Variants in RFC3 observed in about 807,000 individuals in gnomAD.
RFC3 encodes A1 38 kDa subunit.
Under a neutral mutation model 45.1 loss-of-function variants are expected in RFC3, and 41 were observed. The observed-to-expected ratio is 0.91, with a 90% confidence interval of 0.71 to 1.18. RFC3 has a LOEUF of 1.18. Ranked by LOEUF, RFC3 falls within the 50% of genes most tolerant of loss-of-function variation. The probability of loss-of-function intolerance (pLI) is 0.00; values close to 1 mark genes in which losing one functional copy is unlikely to be tolerated. For synonymous variants in RFC3, 149 were observed against 144.0 expected (o/e 1.03, Z -0.25); for missense variants, 423 against 428.1 (o/e 0.99, Z 0.10).
At chr13:33,918,865 G>A (rs1474089650) in intron 8 of RFC3, among the ~76,000 whole-genome samples, 4 of 152,096 alleles carry the variant, frequency 2.6e-5, no homozygotes, top group African/African-American at 4.8e-5. Context: ...AAGAGAAAAC[G>A]GCGATCAGAA....
At chr13:33,893,371 T>C (rs2082575650) in intron 8 of RFC3, among the ~76,000 whole-genome samples, 1 of 151,886 alleles carries the variant, frequency 6.6e-6, no homozygotes, top group African/African-American at 2.4e-5. Flanking sequence ...CTGAAGAATC[T>C]CTCAGAAAAT....
chr13:33,859,897 A>G (rs1281273333), intron 8 of RFC3, among the ~76,000 whole-genome samples: 1 of 152,178 alleles, frequency 6.6e-6, no homozygotes, highest in South Asian at 2.1e-4. Context: ...AACCACCAAT[A>G]TGAATATGAC....
downstream of RFC3, among the ~76,000 whole-genome samples, chr13:33,841,070 A>G (rs557158494): frequency 6.6e-6 from 1 of 152,314 alleles, no homozygotes; most frequent in Non-Finnish European, 1.5e-5. Context: ...ACCACCTGTC[A>G]GATCAGCAAC....
chr13:33,958,211 G>A (rs1474287727), intron 8 of RFC3, among the ~76,000 whole-genome samples: 1 of 152,178 alleles, frequency 6.6e-6, no homozygotes, highest in African/African-American at 2.4e-5. Context: ...AGTTTCTGCT[G>A]GAAGAGGGTG....
chr13:33,916,076 G>A (rs2082731567), intron 8 of RFC3, among the ~76,000 whole-genome samples: 1 of 152,156 alleles, frequency 6.6e-6, no homozygotes, highest in Admixed American at 6.5e-5. Context: ...TGGGATTATA[G>A]GGGTGAGCCA....
At chr13:33,847,907 C>T (rs2082249901) in intron 8 of RFC3, 1 of 152,112 alleles carries the variant, frequency 6.6e-6, no homozygotes, top group Non-Finnish European at 1.5e-5. Flanking sequence ...ATTTTTTCGC[C>T]TACATCTTTG....
At chr13:33,900,777 A>C (rs9570557) in intron 8 of RFC3, among the ~76,000 whole-genome samples, 46,582 of 151,148 alleles carry the variant, frequency 0.31, 11,563 homozygotes, top group African/African-American at 0.67. Flanking sequence ...TGAAAACTAT[A>C]CATCTGACAA....
At chr13:33,846,633 TG>T (rs1212909400) in intron 8 of RFC3, 10 of 152,430 alleles carry the variant, frequency 6.6e-5, no homozygotes, top group African/African-American at 2.4e-4. Flanking sequence ...CTGGGTCTTG[TG>T]TATCCCAAGT....
At chr13:33,944,973 A>G (rs1054315271) in intron 8 of RFC3, among the ~76,000 whole-genome samples, 7 of 152,192 alleles carry the variant, frequency 4.6e-5, no homozygotes, top group African/African-American at 1.7e-4. Flanking sequence ...GCTCCCAGGC[A>G]TAACACATTT....
intron 8 of RFC3, among the ~76,000 whole-genome samples, chr13:33,930,812 A>G (rs1484110545): frequency 2.0e-5 from 3 of 152,150 alleles, no homozygotes; most frequent in Non-Finnish European, 4.4e-5. Flanking sequence ...AGCTTGGGGC[A>G]AAATTTAGGG....
chr13:33,834,329 T>C (rs9563827), intron 7 of RFC3, among the ~76,000 whole-genome samples: 1,573 of 125,074 alleles, frequency 0.013, 86 homozygotes, highest in African/African-American at 0.044. Context: ...TATATATATA[T>C]ATCTGTACTG....
At chr13:33,908,397 A>G (rs2082684147) in intron 8 of RFC3, among the ~76,000 whole-genome samples, 1 of 152,004 alleles carries the variant, frequency 6.6e-6, no homozygotes, top group Non-Finnish European at 1.5e-5. Flanking sequence ...AGCTGTGGTT[A>G]TCTGTGATTT....
rs181358645 is a variant in RFC3, at chr13:33,873,349, C to T, written c.879+38132C>T. ...CCCATTTTACAGATTTAGAAAAGTTCGAGGAAGATTAAGTGACCTGATAAA... is the reference window on the plus strand; with the variant it reads ...CCCATTTTACAGATTTAGAAAAGTTTGAGGAAGATTAAGTGACCTGATAAA... On this transcript the variant is annotated intron_variant, in intron 8 of 8. Transcript: ENST00000434425. Among the ~76,000 whole-genome samples the T allele has an allele frequency of 2.1e-4, 32 of 152,218 alleles. No individual in the cohort carries two copies. The East Asian group carries it at 6.0e-3, about 28-fold the overall frequency.
At chr13:33,952,163 C>A (rs1394771283) in intron 8 of RFC3, among the ~76,000 whole-genome samples, 2 of 152,204 alleles carry the variant, frequency 1.3e-5, no homozygotes, top group East Asian at 3.8e-4. Flanking sequence ...GAATATTTTT[C>A]TCAGCAAGCA....
At chr13:33,951,541 T>C (rs2082991495) in intron 8 of RFC3, among the ~76,000 whole-genome samples, 1 of 146,122 alleles carries the variant, frequency 6.8e-6, no homozygotes, top group Non-Finnish European at 1.5e-5. Context: ...TGTAAATAAC[T>C]TTTTTTTTTT....
At chr13:33,824,062 C>T in intron 3 of RFC3, 78 bp downstream of exon 3, 1 of 682,882 alleles carries the variant, frequency 1.5e-6, no homozygotes, top group Non-Finnish European at 2.4e-6. Flanking sequence ...AGATTGAAAC[C>T]CTTTTTTGAA....
At chr13:33,847,274 GTCTTTCCTACCT>G (rs2082244711) in intron 8 of RFC3, 1 of 152,202 alleles carries the variant, frequency 6.6e-6, no homozygotes, top group South Asian at 2.1e-4. Context: ...ATTCAATACT[GTCTTTCCTACCT>G]TCTACAGTGC....
At chr13:33,892,107 C>CCAT (rs1322272233) in intron 8 of RFC3, among the ~76,000 whole-genome samples, 1 of 151,910 alleles carries the variant, frequency 6.6e-6, no homozygotes, top group South Asian at 2.1e-4. Flanking sequence ...TCCAATAACT[C>CCAT]CATCATCATA....
intron 2 of RFC3, among the ~76,000 whole-genome samples, chr13:33,823,387 C>G (rs1418456782): frequency 6.6e-6 from 1 of 152,028 alleles, no homozygotes; most frequent in Non-Finnish European, 1.5e-5. Context: ...ACAAAATGTC[C>G]ATCAGTATGA....
Sources: allele counts gnomAD v4.1 joint callset (sites outside exome capture counted in the v4.1 genomes callset), GRCh38; gene constraint gnomAD v4.1.1; transcripts MANE v1.5; gene names NCBI Gene and HGNC (gene_info 2026-07-23, HGNC 2026-07-21).